GRM8: variants seen among roughly 807,000 people sequenced by gnomAD.
The protein encoded by GRM8 is metabotropic glutamate receptor 8.
Under a neutral mutation model 87.2 loss-of-function variants are expected in GRM8, and 47 were observed. That is an observed-to-expected ratio of 0.54 (90% CI 0.43 to 0.69). The LOEUF (loss-of-function observed/expected upper bound fraction) is 0.69. Among genes scored for constraint, GRM8 ranks in the 30% least tolerant of loss-of-function variants. GRM8 has a pLI of 0.00. For synonymous variants in GRM8, 396 were observed against 404.5 expected (o/e 0.98, Z 0.25); for missense variants, 1,019 against 1,139.2 (o/e 0.89, Z 1.52).
intron 3 of GRM8, among the ~76,000 whole-genome samples, chr7:127,044,360 G>A (rs1049365249): frequency 1.3e-5 from 2 of 152,116 alleles, no homozygotes; most frequent in African/African-American, 2.4e-5. Context: ...ATCAATCTGG[G>A]TGGCTAACAC....
chr7:126,771,232 A>G (rs966502712), intron 6 of GRM8, among the ~76,000 whole-genome samples: 4 of 152,100 alleles, frequency 2.6e-5, no homozygotes, highest in Non-Finnish European at 5.9e-5. Flanking sequence ...TTATATTTGT[A>G]TATTTACACT....
At chr7:126,676,774 G>A (rs1807000976) in intron 7 of GRM8, among the ~76,000 whole-genome samples, 1 of 152,106 alleles carries the variant, frequency 6.6e-6, no homozygotes, top group East Asian at 1.9e-4. Context: ...AAAGCCTCTA[G>A]AAGAAAACCT....
intron 6 of GRM8, among the ~76,000 whole-genome samples, chr7:126,897,802 A>G (rs1050166103): frequency 2.6e-5 from 4 of 152,150 alleles, no homozygotes; most frequent in African/African-American, 9.7e-5. Context: ...TTTGGCCAGC[A>G]AATCAAAAGT....
chr7:126,639,954 A>G (rs1802208424), intron 7 of GRM8, among the ~76,000 whole-genome samples: 1 of 152,198 alleles, frequency 6.6e-6, no homozygotes, highest in Non-Finnish European at 1.5e-5. Context: ...GCCCATCTGT[A>G]TTTAAGGCTG....
At chr7:127,055,935 A>G (rs1819938586) in intron 3 of GRM8, among the ~76,000 whole-genome samples, 2 of 152,212 alleles carry the variant, frequency 1.3e-5, no homozygotes, top group Non-Finnish European at 2.9e-5. Context: ...TTCTGTACAA[A>G]TAAATCTTCC....
At chr7:126,946,651 A>C (rs1213551859) in intron 3 of GRM8, among the ~76,000 whole-genome samples, 1 of 152,230 alleles carries the variant, frequency 6.6e-6, no homozygotes, top group Non-Finnish European at 1.5e-5. Flanking sequence ...CAAGAGTGCC[A>C]AGTCATGATC....
chr7:126,956,470 T>G (rs527728188), intron 3 of GRM8, among the ~76,000 whole-genome samples: 1 of 152,360 alleles, frequency 6.6e-6, no homozygotes, highest in African/African-American at 2.4e-5. Flanking sequence ...AGTTTCAATT[T>G]GCTCTTTTTC....
At chr7:127,215,892 A>T (rs1367758946) in intron 2 of GRM8, among the ~76,000 whole-genome samples, 1 of 152,220 alleles carries the variant, frequency 6.6e-6, no homozygotes, top group Non-Finnish European at 1.5e-5. Context: ...GAACTAAAAA[A>T]AATGTTTAAC....
chr7:126,716,359 T>C (rs1414953074), intron 7 of GRM8, among the ~76,000 whole-genome samples: 1 of 151,606 alleles, frequency 6.6e-6, no homozygotes, highest in Non-Finnish European at 1.5e-5. Flanking sequence ...GCCAGAGAAG[T>C]ATATTTGACA....
At chr7:126,477,587 G>GAAAT (rs201502019) in intron 9 of GRM8, among the ~76,000 whole-genome samples, 2 of 65,600 alleles carry the variant, frequency 3.0e-5, no homozygotes, top group Non-Finnish European at 5.7e-5. Context: ...AAGAGAGAAA[G>GAAAT]AAAGAAAGAA....
At chr7:127,046,397 AG>A (rs1010674944) in intron 3 of GRM8, among the ~76,000 whole-genome samples, 6 of 152,152 alleles carry the variant, frequency 3.9e-5, no homozygotes, top group Admixed American at 1.3e-4. Context: ...TAAAAAAAAA[AG>A]AAAATCATTT....
At chr7:127,163,380 CTG>C (rs1416079631) in intron 2 of GRM8, among the ~76,000 whole-genome samples, 4 of 152,194 alleles carry the variant, frequency 2.6e-5, no homozygotes, top group Non-Finnish European at 5.9e-5. Context: ...TTGGCAGTGA[CTG>C]TTTCTCTGCT....
chr7:126,986,130 CA>C (rs1221904522), intron 3 of GRM8, among the ~76,000 whole-genome samples: 5 of 152,028 alleles, frequency 3.3e-5, no homozygotes, highest in African/African-American at 1.2e-4. Context: ...CCTTCCACCT[CA>C]ACTTCCTGAG....
intron 7 of GRM8, among the ~76,000 whole-genome samples, chr7:126,733,146 T>G (rs557673021): frequency 1.1e-4 from 17 of 151,942 alleles, no homozygotes; most frequent in Non-Finnish European, 2.2e-4. Context: ...TAGTCATCAC[T>G]TTTTTTTCTT....
At chr7:126,790,048 C>T (rs1366744208) in intron 6 of GRM8, among the ~76,000 whole-genome samples, 2 of 151,642 alleles carry the variant, frequency 1.3e-5, no homozygotes, top group Non-Finnish European at 2.9e-5. Flanking sequence ...GCTCTTGTCG[C>T]CCAGGCTGGA....
At position 126,533,810 on chromosome 7, in the gene GRM8, C is replaced by A; in HGVS notation, c.1572G>T (p.Glu524Asp). ...GGACCCCTTTCACCGTTTTCTTCCT[C>A]TCCCCTGGCTTACACGGCAGGCTGC... is the stretch of plus-strand genomic sequence containing the variant. ...SVCSLPCKPG[E>D]RKKTVKGVPC... Residue 524 changes from glutamate (E) to aspartate (D), a missense_variant, in exon 9 of 11, where the codon GAG becomes GAT. Transcript: ENST00000339582. 1 of 1,614,116 alleles carries A rather than the reference C, an allele frequency of 6.2e-7. No homozygotes were observed. Among genetic ancestry groups the A allele is most frequent in the East Asian group, 2.2e-5 (1 of 44,860 alleles).
At chr7:127,187,508 T>G (rs992022883) in intron 2 of GRM8, among the ~76,000 whole-genome samples, 2 of 152,106 alleles carry the variant, frequency 1.3e-5, no homozygotes, top group African/African-American at 4.8e-5. Flanking sequence ...AATTCAGGGT[T>G]TTTCATACAA....
chr7:126,633,032 TATTAAAAATAC>T (rs1298938542), intron 7 of GRM8, among the ~76,000 whole-genome samples: 18 of 152,268 alleles, frequency 1.2e-4, no homozygotes, highest in African/African-American at 4.1e-4. Flanking sequence ...ATTTTATTTT[TATTAAAAATAC>T]ATTAAAAATA....
intron 7 of GRM8, among the ~76,000 whole-genome samples, chr7:126,765,882 A>T (rs1490809138): frequency 6.6e-6 from 1 of 152,106 alleles, no homozygotes; most frequent in Non-Finnish European, 1.5e-5. Flanking sequence ...CAGATGCAGA[A>T]GATGGTTCAG....
Sources: allele counts gnomAD v4.1 joint callset (sites outside exome capture counted in the v4.1 genomes callset), GRCh38; gene constraint gnomAD v4.1.1; transcripts MANE v1.5; gene names NCBI Gene and HGNC (gene_info 2026-07-23, HGNC 2026-07-21).